IQGAP2: variants seen among roughly 807,000 people sequenced by gnomAD.
IQGAP2 encodes the protein ras GTPase-activating-like protein IQGAP2.
A neutral mutation model predicts 201.3 loss-of-function variants in IQGAP2; 173 were observed. The observed-to-expected ratio is 0.86, with a 90% CI of 0.76 to 0.98. The LOEUF is 0.98. Ranked by LOEUF, IQGAP2 falls within the 50% of genes least tolerant of loss-of-function variation. IQGAP2 has a pLI of 0.00. For synonymous variants in IQGAP2, 675 were observed against 673.9 expected, an observed-to-expected ratio of 1.00 and a Z score of -0.03; for missense variants, 1,687 against 1,864.8, an observed-to-expected ratio of 0.90 and a Z score of 1.76.
chr5:76,561,184 C>T (rs1744339552), intron 2 of IQGAP2, among the ~76,000 whole-genome samples: 1 of 152,140 alleles, frequency 6.6e-6, no homozygotes, highest in African/African-American at 2.4e-5. Flanking sequence ...TTAATATTTT[C>T]AGACTAGTTG....
At chr5:76,460,860 C>CTTTT (rs61258350) in intron 1 of IQGAP2, among the ~76,000 whole-genome samples, 2 of 113,546 alleles carry the variant, frequency 1.8e-5, no homozygotes, top group Non-Finnish European at 3.5e-5. Context: ...TTGCACACTG[C>CTTTT]TTTTTTTTTT....
intron 2 of IQGAP2, among the ~76,000 whole-genome samples, chr5:76,464,728 C>T (rs1338079301): frequency 2.2e-4 from 34 of 151,972 alleles, no homozygotes; most frequent in Admixed American, 2.2e-3. Context: ...GTTCTTTATT[C>T]AGAGGGGACA....
chr5:76,614,811 C>A (rs1327727313), intron 13 of IQGAP2, among the ~76,000 whole-genome samples: 2 of 151,860 alleles, frequency 1.3e-5, no homozygotes, highest in Non-Finnish European at 2.9e-5. Flanking sequence ...ATTTCTGTGC[C>A]TTGTCTTCCC....
intron 1 of IQGAP2, among the ~76,000 whole-genome samples, chr5:76,431,985 G>A (rs1752395375): frequency 1.3e-5 from 2 of 151,830 alleles, no homozygotes; most frequent in South Asian, 4.2e-4. Flanking sequence ...GTTGGGTTGA[G>A]CCACTTATGC....
At chr5:76,434,431 A>T (rs1752543110) in intron 1 of IQGAP2, among the ~76,000 whole-genome samples, 1 of 152,146 alleles carries the variant, frequency 6.6e-6, no homozygotes, top group Non-Finnish European at 1.5e-5. Flanking sequence ...GTTATAAGTG[A>T]GAATGTAACG....
intron 21 of IQGAP2, among the ~76,000 whole-genome samples, chr5:76,660,873 T>C (rs1743191204): frequency 6.6e-6 from 1 of 152,184 alleles, no homozygotes; most frequent in Admixed American, 6.5e-5. Flanking sequence ...CAAAGCAATA[T>C]GCAGAGGGCG....
intron 1 of IQGAP2, among the ~76,000 whole-genome samples, chr5:76,415,489 C>T (rs931431070): frequency 6.6e-6 from 1 of 152,200 alleles, no homozygotes; most frequent in African/African-American, 2.4e-5. Context: ...CAAACTTTGC[C>T]TTATGAAAAT....
At chr5:76,438,008 G>GTTTTTTTTTTTTTTTTTT (rs768892670) in intron 1 of IQGAP2, among the ~76,000 whole-genome samples, 4 of 91,058 alleles carry the variant, frequency 4.4e-5, no homozygotes, top group Admixed American at 1.2e-4. Flanking sequence ...TTGGTCTGTA[G>GTTTTTTTTTTTTTTTTTT]TTTTTTTTTT....
intron 2 of IQGAP2, among the ~76,000 whole-genome samples, chr5:76,479,879 C>CTGTG (rs772881695): frequency 6.6e-6 from 1 of 151,750 alleles, no homozygotes; most frequent in African/African-American, 2.4e-5. Flanking sequence ...TGGTGTAGAA[C>CTGTG]TGTGTGTGTG....
intron 17 of IQGAP2, among the ~76,000 whole-genome samples, chr5:76,643,660 C>A (rs1174278047): frequency 6.6e-6 from 1 of 151,954 alleles, no homozygotes; most frequent in African/African-American, 2.4e-5. Flanking sequence ...TTTTCATGAA[C>A]TGAAGAAAGC....
At chr5:76,523,230 A>G (rs754630227) in intron 2 of IQGAP2, among the ~76,000 whole-genome samples, 8 of 151,644 alleles carry the variant, frequency 5.3e-5, no homozygotes, top group Non-Finnish European at 8.8e-5. Flanking sequence ...GACCAAAGGC[A>G]GGCACCACCA....
intron 11 of IQGAP2, among the ~76,000 whole-genome samples, chr5:76,604,914 GAA>G (rs1373208593): frequency 3.3e-5 from 5 of 152,080 alleles, no homozygotes; most frequent in Non-Finnish European, 7.4e-5. Flanking sequence ...GCAGAATTTT[GAA>G]AAAGTTTGTC....
chr5:76,680,801 A>C (rs1347371293), intron 28 of IQGAP2, among the ~76,000 whole-genome samples: 1 of 150,184 alleles, frequency 6.7e-6, no homozygotes, highest in Non-Finnish European at 1.5e-5. Flanking sequence ...ATTTAAAAAA[A>C]AAAAAAAAAA....
intron 2 of IQGAP2, among the ~76,000 whole-genome samples, chr5:76,520,177 T>C (rs1276908498): frequency 6.6e-6 from 1 of 152,008 alleles, no homozygotes; most frequent in African/African-American, 2.4e-5. Context: ...TACATGTAGG[T>C]CTGTAACAAT....
Position 76,579,706 on chromosome 5 carries a change from C to T in IQGAP2, c.458+3937C>T, listed in dbSNP as rs190534282. Among the ~76,000 whole-genome samples, 799 of 152,066 alleles carry T rather than the reference C, an allele frequency of 5.3e-3. 6 individuals are homozygous for T. The highest frequency in any genetic ancestry group is 7.3e-3 in the Non-Finnish European group (496 of 67,992). Reference sequence around the variant, plus strand: ...TGGGCTTTCTAGAGGTTTTCATCCCCTGGGAGACAAGGGATTGACTGTACC... The same window carrying T: ...TGGGCTTTCTAGAGGTTTTCATCCCTTGGGAGACAAGGGATTGACTGTACC... On this transcript the variant is annotated intron_variant, in intron 5 of 35. Transcript: ENST00000274364.
chr5:76,464,658 A>G (rs10050545), intron 2 of IQGAP2, among the ~76,000 whole-genome samples: 38,832 of 152,104 alleles, frequency 0.26, 5,604 homozygotes, highest in East Asian at 0.53. Flanking sequence ...ATATTCCAGT[A>G]TATCTTTTAT....
At chr5:76,485,873 A>G (rs1339396821) in intron 2 of IQGAP2, among the ~76,000 whole-genome samples, 2 of 152,170 alleles carry the variant, frequency 1.3e-5, no homozygotes, top group Non-Finnish European at 2.9e-5. Context: ...TATTTGACAT[A>G]TTTCAAGTAC....
At position 76,682,466 on chromosome 5, in the gene IQGAP2, TAA is replaced by T. The variant is rs113958575; in HGVS notation, c.3661-635_3661-634del. ...CAACTCCATTAAAATTTGTTTAAAT[TAA>T]AAAAAAAAAAAAAGTGTTGTCTTTC... On this transcript the variant is annotated intron_variant, in intron 28 of 35. Transcript: ENST00000274364. Among the ~76,000 whole-genome samples the T allele has an allele frequency of 7.6e-3, 1,056 of 138,206 alleles. 29 individuals are homozygous for T. Among genetic ancestry groups the T allele is most frequent in the East Asian group, 0.054 (263 of 4,860 alleles). 90.7% of individuals were successfully genotyped at this position (138,206 alleles called of 152,430 possible).
intron 2 of IQGAP2, among the ~76,000 whole-genome samples, chr5:76,503,169 CT>C (rs1757378735): frequency 8.9e-6 from 1 of 111,924 alleles, no homozygotes; most frequent in South Asian, 2.9e-4. Flanking sequence ...TTTTTCTTTT[CT>C]TTTCTTTTTT....
Sources: allele counts gnomAD v4.1 joint callset (sites outside exome capture counted in the v4.1 genomes callset), GRCh38; gene constraint gnomAD v4.1.1; transcripts MANE v1.5; gene names NCBI Gene and HGNC (gene_info 2026-07-23, HGNC 2026-07-21).